Variants in TPX2 observed in about 807,000 individuals in gnomAD.
TPX2 encodes targeting protein for Xklp2.
Under a neutral mutation model 93.6 loss-of-function variants are expected in TPX2, and 21 were observed. The observed-to-expected ratio is 0.22, with a 90% CI of 0.16 to 0.32. TPX2 has a LOEUF of 0.32. TPX2 is among the 10% of genes least tolerant of loss of function. The probability of loss-of-function intolerance (pLI) is 1.00; values close to 1 mark genes in which losing one functional copy is unlikely to be tolerated. For missense variants in TPX2, 776 were observed against 871.1 expected (o/e 0.89, Z 1.37); for synonymous variants, 281 against 298.3 (o/e 0.94, Z 0.60).
At chr20:31,739,945 A>G (rs1400318359) in intron 1 of TPX2, among the ~76,000 whole-genome samples, 2 of 152,260 alleles carry the variant, frequency 1.3e-5, no homozygotes, top group Admixed American at 6.5e-5. Flanking sequence ...GTGTGAGAAC[A>G]TAATTGAGGG....
intron 6 of TPX2, 58 bp downstream of exon 6, chr20:31,770,529 T>C: frequency 7.1e-7 from 1 of 1,402,090 alleles, no homozygotes; most frequent in Non-Finnish European, 9.4e-7. Flanking sequence ...TGTATACCAC[T>C]TGTAAGTTTC....
In TPX2 at chr20:31,801,345, C is replaced by T. The variant is rs188474401; in HGVS notation, c.*265C>T. 1.2e-3 allele frequency: 425 copies of T among 367,032 alleles called. 2 individuals are homozygous for T. Among genetic ancestry groups the T allele is most frequent in the African/African-American group, 7.6e-3 (372 of 48,806 alleles). 22.7% of individuals were successfully genotyped at this position (367,032 alleles called of 1,614,324 possible). A position where few individuals can be genotyped will look rare whatever the true frequency, so the allele number is the denominator to read the frequency against. On this transcript the variant is annotated 3_prime_UTR_variant, in exon 18 of 18. Coordinates refer to ENST00000300403, the MANE Select transcript of TPX2 (RefSeq NM_012112.5). ...TAGTTACTTCCTTTAAACCATCAGC[C>T]GGCCTTTTATATGGGTCTTCACTCT... is the stretch of plus-strand genomic sequence containing the variant.
chr20:31,797,629 A>G, intron 16 of TPX2, 114 bp downstream of exon 16: 2 of 931,118 alleles, frequency 2.1e-6, no homozygotes, highest in East Asian at 2.7e-5. Context: ...ATTTGACTTT[A>G]GCAGATGGTA....
intron 9 of TPX2, 142 bp downstream of exon 9, chr20:31,777,780 CT>C (rs201232874): frequency 0.078 from 49,710 of 636,824 alleles, no homozygotes; most frequent in East Asian, 0.14. Flanking sequence ...TATAACAGAT[CT>C]TTTTTTTTTT....
At chr20:31,773,559 T>C (rs1227863144) in intron 7 of TPX2, among the ~76,000 whole-genome samples, 1 of 152,138 alleles carries the variant, frequency 6.6e-6, no homozygotes, top group Non-Finnish European at 1.5e-5. Context: ...CTCAAAGTGC[T>C]GGGTATAGGT....
At chr20:31,783,051 C>T (rs1013197493) in intron 11 of TPX2, among the ~76,000 whole-genome samples, 1 of 152,044 alleles carries the variant, frequency 6.6e-6, no homozygotes, top group African/African-American at 2.4e-5. Flanking sequence ...ATTGTTACAG[C>T]TATTATTAGT....
chr20:31,791,288 A>AT (rs1054677130), intron 12 of TPX2, among the ~76,000 whole-genome samples: 6 of 151,586 alleles, frequency 4.0e-5, no homozygotes, highest in East Asian at 3.9e-4. Flanking sequence ...TAAAGAATTA[A>AT]TTTTTTTTTC....
chr20:31,792,833 G>C lies in TPX2; in HGVS notation c.1509+3G>C. 6.2e-7 allele frequency: 1 copy of C among 1,613,618 alleles called. No homozygotes were observed. The highest frequency in any genetic ancestry group is 1.3e-5 in the African/African-American group (1 of 75,016). ...GAATGCCCACCAAAGAAGATGAGGTGATTCCCTGGGAGTAGGGGGGTTCTT... is the reference window on the plus strand; with the variant it reads ...GAATGCCCACCAAAGAAGATGAGGTCATTCCCTGGGAGTAGGGGGGTTCTT... On this transcript the variant is annotated splice_donor_region_variant and intron_variant, in intron 13 of 17. Transcript: ENST00000300403.
At chr20:31,741,321 T>C (rs1475203243) in intron 1 of TPX2, among the ~76,000 whole-genome samples, 1 of 151,926 alleles carries the variant, frequency 6.6e-6, no homozygotes, top group East Asian at 1.9e-4. Flanking sequence ...GTTTTTGTTT[T>C]TTTTTTTTGA....
intron 2 of TPX2, among the ~76,000 whole-genome samples, chr20:31,751,417 A>T (rs1568921257): frequency 6.6e-6 from 1 of 152,088 alleles, no homozygotes; most frequent in Non-Finnish European, 1.5e-5. Context: ...ATATTTGTTC[A>T]CAAGAAAAGG....
intron 2 of TPX2, among the ~76,000 whole-genome samples, chr20:31,755,764 A>G (rs552841265): frequency 3.3e-5 from 5 of 152,148 alleles, no homozygotes; most frequent in African/African-American, 9.6e-5. Context: ...CCGTCTCAAA[A>G]AAAAAAAAAA....
Position 31,783,702 on chromosome 20 carries a change from C to G in TPX2, c.1197-3C>G. The G allele has an allele frequency of 6.3e-7, 1 of 1,587,218 alleles. No homozygotes were observed. Among genetic ancestry groups the G allele is most frequent in the Non-Finnish European group, 8.5e-7 (1 of 1,173,688 alleles). ...TGTGGTTATTTAAATTTTCACCTTA[C>G]AGATACAAATTCAAAGCACGTGAAC... On this transcript the variant is annotated splice_region_variant and splice_polypyrimidine_tract_variant and intron_variant, in intron 11 of 17. Transcript: ENST00000300403.
intron 2 of TPX2, among the ~76,000 whole-genome samples, chr20:31,749,950 T>A (rs2061808572): frequency 6.6e-6 from 1 of 152,076 alleles, no homozygotes; most frequent in Non-Finnish European, 1.5e-5. Context: ...ATTATTATTA[T>A]ATTTTTGAGA....
chr20:31,747,533 A>G (rs1372109641), intron 2 of TPX2, among the ~76,000 whole-genome samples: 1 of 152,202 alleles, frequency 6.6e-6, no homozygotes, highest in Non-Finnish European at 1.5e-5. Context: ...GACACGATGG[A>G]TGGCATTGAA....
chr20:31,786,437 C>T (rs2062067528), intron 12 of TPX2, among the ~76,000 whole-genome samples: 1 of 148,786 alleles, frequency 6.7e-6, no homozygotes, highest in Non-Finnish European at 1.5e-5. Flanking sequence ...ACTCTGTTGC[C>T]CAGGCTAGAG....
chr20:31,795,278 C>T (rs752850088), intron 15 of TPX2, among the ~76,000 whole-genome samples: 19 of 152,116 alleles, frequency 1.2e-4, no homozygotes, highest in East Asian at 1.9e-4. Context: ...GGATTACAGG[C>T]GCGTGCCACC....
At position 31,798,541 on chromosome 20, in the gene TPX2, C is replaced by A; in HGVS notation, c.2122C>A (p.Arg708=). 6.2e-7 allele frequency: 1 copy of A among 1,606,476 alleles called. No individual in the cohort carries two copies. The highest frequency in any genetic ancestry group is 8.5e-7 in the Non-Finnish European group (1 of 1,177,848). ...EQKKEELARL[R]RELVHKANPI... Reference sequence around the variant, plus strand: ...GAAAAAAGAGGAGCTGGCCAGGCTACGGAGAGAACTGGTAACTGGGAGCAT... The same window carrying A: ...GAAAAAAGAGGAGCTGGCCAGGCTAAGGAGAGAACTGGTAACTGGGAGCAT... The change falls in exon 17 of 18, where the codon CGG becomes AGG. Residue 708 remains arginine, a synonymous_variant. Transcript: ENST00000300403.
intron 17 of TPX2, among the ~76,000 whole-genome samples, chr20:31,800,193 A>C (rs1600398609): frequency 6.6e-6 from 1 of 152,196 alleles, no homozygotes; most frequent in South Asian, 2.1e-4. Context: ...TATTTAGGAG[A>C]CCAGCCTCTT....
At chr20:31,798,026 A>G (rs2062148687) in intron 16 of TPX2, among the ~76,000 whole-genome samples, 1 of 152,120 alleles carries the variant, frequency 6.6e-6, no homozygotes, top group Non-Finnish European at 1.5e-5. Flanking sequence ...GCAAGACCCC[A>G]TCTCTTTTTC....
Sources: gnomAD v4.1 joint callset for allele counts (sites outside exome capture counted in the v4.1 genomes callset) on GRCh38, gnomAD v4.1.1 for gene constraint, MANE v1.5 for transcripts, NCBI Gene and HGNC (gene_info 2026-07-23, HGNC 2026-07-21) for gene names.